Variants in CNTNAP2 observed in about 807,000 individuals in gnomAD.
The protein encoded by CNTNAP2 is contactin-associated protein-like 2.
A neutral mutation model predicts 155.2 loss-of-function variants in CNTNAP2; 98 were observed. The observed-to-expected ratio is 0.63, with a 90% CI of 0.54 to 0.75. The LOEUF is 0.75. CNTNAP2 is among the 30% of genes least tolerant of loss of function. The pLI is 0.00. For missense variants in CNTNAP2, 1,727 were observed against 1,688.1 expected, an observed-to-expected ratio of 1.02 and a Z score of -0.40; for synonymous variants, 651 against 631.2, an observed-to-expected ratio of 1.03 and a Z score of -0.47.
intron 2 of CNTNAP2, among the ~76,000 whole-genome samples, chr7:146,829,041 C>T (rs1020325029): frequency 6.6e-6 from 1 of 151,916 alleles, no homozygotes; most frequent in African/African-American, 2.4e-5. Flanking sequence ...TTTCTTGTCT[C>T]TTATAATCTT....
intron 13 of CNTNAP2, among the ~76,000 whole-genome samples, chr7:147,694,823 A>G (rs1010381205): frequency 1.3e-5 from 2 of 151,734 alleles, no homozygotes; most frequent in Non-Finnish European, 2.9e-5. Context: ...TCCTGTTTCC[A>G]ATTTTATTAC....
intron 1 of CNTNAP2, among the ~76,000 whole-genome samples, chr7:146,294,343 A>G (rs1800479378): frequency 6.6e-6 from 1 of 152,150 alleles, no homozygotes; most frequent in East Asian, 1.9e-4. Flanking sequence ...GATGAGACGA[A>G]AGGATATTTG....
chr7:147,942,555 C>T (rs1046069888), intron 14 of CNTNAP2, among the ~76,000 whole-genome samples: 3 of 152,176 alleles, frequency 2.0e-5, no homozygotes, highest in African/African-American at 7.2e-5. Context: ...TTTGGTATCT[C>T]AGTATCTCGT....
chr7:147,791,876 G>A (rs940938137), intron 13 of CNTNAP2, among the ~76,000 whole-genome samples: 2 of 152,174 alleles, frequency 1.3e-5, no homozygotes, highest in East Asian at 1.9e-4. Context: ...GAAAGGACAC[G>A]GATGTCATTT....
chr7:147,752,635 A>C (rs966284258), intron 13 of CNTNAP2, among the ~76,000 whole-genome samples: 1 of 152,162 alleles, frequency 6.6e-6, no homozygotes, highest in African/African-American at 2.4e-5. Flanking sequence ...AAAGGTAGAT[A>C]TTTGAAGTTG....
chr7:146,150,742 A>G (rs890956512), intron 1 of CNTNAP2, among the ~76,000 whole-genome samples: 29 of 152,140 alleles, frequency 1.9e-4, no homozygotes, highest in African/African-American at 7.0e-4. Flanking sequence ...ACATTTTTTG[A>G]ATTGATGAAT....
At chr7:147,405,365 T>A (rs967814868) in intron 10 of CNTNAP2, among the ~76,000 whole-genome samples, 3 of 152,240 alleles carry the variant, frequency 2.0e-5, no homozygotes, top group Non-Finnish European at 4.4e-5. Flanking sequence ...ATTACTTGAA[T>A]ACATTGCAGT....
chr7:148,051,064 A>AAAT (rs1225424407), intron 15 of CNTNAP2, among the ~76,000 whole-genome samples: 2 of 152,224 alleles, frequency 1.3e-5, no homozygotes, highest in African/African-American at 2.4e-5. Context: ...TTAGTAAACT[A>AAAT]AATTTCCACT....
At chr7:147,782,589 A>G (rs1337012995) in intron 13 of CNTNAP2, among the ~76,000 whole-genome samples, 1 of 152,196 alleles carries the variant, frequency 6.6e-6, no homozygotes, top group Non-Finnish European at 1.5e-5. Context: ...GGCCTCTTAT[A>G]TAAAATAAGC....
chr7:148,134,429 T>C (rs1804895535), intron 16 of CNTNAP2, among the ~76,000 whole-genome samples: 1 of 152,184 alleles, frequency 6.6e-6, no homozygotes, highest in African/African-American at 2.4e-5. Context: ...CCTGTGAGGA[T>C]TTTACTTTGA....
intron 21 of CNTNAP2, among the ~76,000 whole-genome samples, chr7:148,333,369 G>A (rs4725778): frequency 0.69 from 104,983 of 151,706 alleles, 36,536 homozygotes; most frequent in East Asian, 0.89. Flanking sequence ...CAGAGGTTGC[G>A]GTGAGCCGAG....
chr7:146,844,921 G>C (rs1803813244), intron 3 of CNTNAP2, among the ~76,000 whole-genome samples: 1 of 152,116 alleles, frequency 6.6e-6, no homozygotes, highest in Non-Finnish European at 1.5e-5. Flanking sequence ...GAATTCTACA[G>C]AACACAGCTG....
intron 1 of CNTNAP2, among the ~76,000 whole-genome samples, chr7:146,194,761 A>G (rs562431294): frequency 2.2e-4 from 34 of 152,330 alleles, no homozygotes; most frequent in Non-Finnish European, 5.9e-5. Context: ...ATGATATTTT[A>G]TCCTTTAATG....
intron 14 of CNTNAP2, among the ~76,000 whole-genome samples, chr7:147,908,863 CA>C (rs1374462011): frequency 2.0e-5 from 3 of 152,148 alleles, no homozygotes; most frequent in Non-Finnish European, 4.4e-5. Flanking sequence ...AAAATGAGGA[CA>C]AAGTACCCGT....
At chr7:146,921,640 G>A (rs962368424) in intron 3 of CNTNAP2, among the ~76,000 whole-genome samples, 4 of 152,016 alleles carry the variant, frequency 2.6e-5, no homozygotes, top group Admixed American at 2.0e-4. Context: ...TCACTACTAC[G>A]AGAACAGTAT....
At chr7:146,134,218 TG>T (rs1797762257) in intron 1 of CNTNAP2, among the ~76,000 whole-genome samples, 1 of 151,722 alleles carries the variant, frequency 6.6e-6, no homozygotes, top group Admixed American at 6.6e-5. Context: ...GTTTGTCTGT[TG>T]TTGGTGTATA....
At chr7:148,247,653 TTA>T (rs1428080723) in intron 20 of CNTNAP2, among the ~76,000 whole-genome samples, 3 of 146,516 alleles carry the variant, frequency 2.0e-5, no homozygotes, top group African/African-American at 2.5e-5. Context: ...ATTTATTTAT[TTA>T]TTTATTTATT....
chr7:147,990,893 T>C (rs1379933467), intron 15 of CNTNAP2, among the ~76,000 whole-genome samples: 2 of 152,052 alleles, frequency 1.3e-5, no homozygotes, highest in Non-Finnish European at 2.9e-5. Flanking sequence ...TTAGCCCCCT[T>C]TTCCCCTCCT....
At chr7:147,979,168 G>A (rs1457117949) in intron 15 of CNTNAP2, among the ~76,000 whole-genome samples, 53 of 152,162 alleles carry the variant, frequency 3.5e-4, no homozygotes, top group Non-Finnish European at 2.9e-5. Flanking sequence ...AAGGGAGATG[G>A]ACTTTGTACT....
Sources: allele counts gnomAD v4.1 joint callset (sites outside exome capture counted in the v4.1 genomes callset), GRCh38; gene constraint gnomAD v4.1.1; transcripts MANE v1.5; gene names NCBI Gene and HGNC (gene_info 2026-07-23, HGNC 2026-07-21).